Variants in CCDC13 observed in about 807,000 individuals in gnomAD.
CCDC13 encodes coiled-coil domain-containing protein 13.
In CCDC13, 70 loss-of-function variants were observed where a neutral mutation model predicts 87.3. The ratio of observed to expected loss-of-function variants is 0.80; its 90% CI spans 0.66 to 0.98. The LOEUF (loss-of-function observed/expected upper bound fraction) is 0.98. CCDC13 is among the 50% of genes least tolerant of loss of function. The probability of loss-of-function intolerance (pLI) is 0.00; values close to 1 mark genes in which losing one functional copy is unlikely to be tolerated. For synonymous variants in CCDC13, 317 were observed against 360.3 expected, an observed-to-expected ratio of 0.88 and a Z score of 1.36; for missense variants, 842 against 892.0, an observed-to-expected ratio of 0.94 and a Z score of 0.71.
Position 42,773,229 on chromosome 3 carries a change from T to A in CCDC13, c.-60A>T, listed in dbSNP as rs914077669. On this transcript the variant is annotated 5_prime_UTR_variant, in exon 1 of 16. Transcript: ENST00000310232. ...GGACCGCGGCGGCTAGGTCACCTCC[T>A]CCGGACGCCGACACGCGCTGCCCTG... 1 of 152,176 alleles carries A rather than the reference T, an allele frequency of 6.6e-6. No individual in the cohort carries two copies. Among genetic ancestry groups the A allele is most frequent in the African/African-American group, 2.4e-5 (1 of 41,418 alleles). The allele number at this position is 152,176 out of a possible 1,614,324, so 9.4% of individuals were successfully genotyped here.
At chr3:42,743,769 G>A (rs1459981103) in intron 7 of CCDC13, among the ~76,000 whole-genome samples, 1 of 151,640 alleles carries the variant, frequency 6.6e-6, no homozygotes, top group African/African-American at 2.4e-5. Context: ...GCCTCCCAAA[G>A]TGCTGGGCAA....
rs1213269083 is a variant in CCDC13, at chr3:42,773,200, T to C, written c.-31A>G. On this transcript the variant is annotated 5_prime_UTR_variant, in exon 1 of 16. Transcript: ENST00000310232. ...CAGCGGTCTCTCTCCACTTCTCCCT[T>C]CTAGGACCGCGGCGGCTAGGTCACC... is the stretch of plus-strand genomic sequence containing the variant. 2 of 152,180 alleles carry C rather than the reference T, an allele frequency of 1.3e-5. No homozygotes were observed. Among genetic ancestry groups the C allele is most frequent in the Non-Finnish European group, 2.9e-5 (2 of 68,034 alleles). The allele number at this position is 152,180 out of a possible 1,614,324, so 9.4% of individuals were successfully genotyped here.
At chr3:42,757,324 T>A in intron 2 of CCDC13, 110 bp from the exon 3 acceptor site, 1 of 1,025,162 alleles carries the variant, frequency 9.8e-7, no homozygotes, top group Non-Finnish European at 1.4e-6. Context: ...GCAGACACAC[T>A]GACGTGAAAG....
In CCDC13 at chr3:42,709,785, A is replaced by G; in HGVS notation, c.1887T>C (p.Ser629=). Residue 629 remains serine, a synonymous_variant, in exon 15 of 16, where the codon TCT becomes TCC. Coordinates refer to ENST00000310232, the MANE Select transcript of CCDC13 (RefSeq NM_144719.4). ...APRTKTGLPT[S]NNRHNPTGSE... ...TCCCGGTTGGGTTGTGCCTGTTGTT[A>G]GAGGTGGGCAGACCTGTGGGGCAGC... 1 of 1,614,036 alleles carries G rather than the reference A, an allele frequency of 6.2e-7. No homozygotes were observed. Among genetic ancestry groups the G allele is most frequent in the Non-Finnish European group, 8.5e-7 (1 of 1,179,918 alleles).
chr3:42,771,564 G>A (rs1418761234), intron 1 of CCDC13, among the ~76,000 whole-genome samples: 1 of 152,164 alleles, frequency 6.6e-6, no homozygotes, highest in East Asian at 1.9e-4. Flanking sequence ...AGACCAGCTT[G>A]GGCAACATAG....
In CCDC13 at chr3:42,708,953, CG is replaced by C; in HGVS notation, c.*26del. 1 of 1,594,138 alleles carries C rather than the reference CG, an allele frequency of 6.3e-7. No homozygotes were observed. The highest frequency in any genetic ancestry group is 8.5e-7 in the Non-Finnish European group (1 of 1,170,702). On this transcript the variant is annotated 3_prime_UTR_variant, in exon 16 of 16. Transcript: ENST00000310232. The stretch of plus-strand genomic sequence containing the variant: ...CTCTCAAGACCTGAGGCTGCCCACC[CG>C]GCCAGGCCGACACTGGGCTGTCATC...
intron 6 of CCDC13, chr3:42,746,702 T>G (rs937146939): frequency 4.4e-5 from 8 of 180,486 alleles, no homozygotes; most frequent in African/African-American, 1.9e-4. Flanking sequence ...TCTGAGTGGT[T>G]CCAGCAGGGA....
chr3:42,751,907 G>C (rs1449718822), intron 5 of CCDC13, 29 bp downstream of exon 5: 1 of 1,600,872 alleles, frequency 6.2e-7, no homozygotes, highest in Admixed American at 1.7e-5. Flanking sequence ...CTGCCTCACA[G>C]ACTTCCCAGC....
At chr3:42,728,026 T>C (rs530701110) in intron 13 of CCDC13, among the ~76,000 whole-genome samples, 1 of 152,364 alleles carries the variant, frequency 6.6e-6, no homozygotes, top group South Asian at 2.1e-4. Flanking sequence ...GACTACGTGC[T>C]TTTTAAAAAA....
chr3:42,761,594 G>A (rs1378934819), intron 1 of CCDC13, among the ~76,000 whole-genome samples: 6 of 152,210 alleles, frequency 3.9e-5, no homozygotes, highest in Non-Finnish European at 7.3e-5. Flanking sequence ...GGCATGGAAT[G>A]AATACTTGCT....
At chr3:42,713,049 G>T in intron 14 of CCDC13, 113 bp downstream of exon 14, 1 of 1,255,172 alleles carries the variant, frequency 8.0e-7, no homozygotes, top group Non-Finnish European at 1.1e-6. Context: ...CCTGATGGAA[G>T]CTCTGCTTCC....
chr3:42,745,670 G>C (rs940769679), intron 7 of CCDC13: 1 of 329,750 alleles, frequency 3.0e-6, no homozygotes, highest in African/African-American at 2.1e-5. Context: ...TCAAACCAAA[G>C]GCGTTGGCAT....
rs191110701 is a variant in CCDC13, at chr3:42,708,597, C to T, written c.*383G>A. ...TGCCCACTTAGGGTAACCAAGGGCT[C>T]TTCTGTGTGTGAAGCCATGGGGACA... On this transcript the variant is annotated 3_prime_UTR_variant, in exon 16 of 16. Coordinates refer to ENST00000310232, the MANE Select transcript of CCDC13 (RefSeq NM_144719.4). The T allele has an allele frequency of 1.2e-4, 21 of 168,522 alleles. No homozygotes were observed. The East Asian group carries it at 3.8e-3, about 30-fold the overall frequency. 10.4% of individuals were successfully genotyped at this position (168,522 alleles called of 1,614,324 possible).
intron 13 of CCDC13, among the ~76,000 whole-genome samples, chr3:42,729,243 A>G (rs1215258378): frequency 6.6e-6 from 1 of 152,230 alleles, no homozygotes; most frequent in Non-Finnish European, 1.5e-5. Context: ...GCCTGCATTG[A>G]GTATGTTTCT....
chr3:42,755,270 G>A (rs887515704), intron 3 of CCDC13, among the ~76,000 whole-genome samples: 1 of 152,038 alleles, frequency 6.6e-6, no homozygotes, highest in African/African-American at 2.4e-5. Context: ...AAAAGAAACC[G>A]ATCTATCAAC....
downstream of CCDC13, among the ~76,000 whole-genome samples, chr3:42,705,571 C>G (rs895308313): frequency 2.6e-5 from 4 of 152,212 alleles, no homozygotes; most frequent in Admixed American, 6.5e-5. Flanking sequence ...TCTTTACTTG[C>G]CCCTGCCCCT....
intron 1 of CCDC13, among the ~76,000 whole-genome samples, chr3:42,763,949 C>T (rs1167002880): frequency 6.6e-6 from 1 of 152,176 alleles, no homozygotes; most frequent in African/African-American, 2.4e-5. Context: ...CAATCAAATA[C>T]ATTTAAGATA....
chr3:42,763,947 T>A (rs1699884048), intron 1 of CCDC13, among the ~76,000 whole-genome samples: 1 of 152,180 alleles, frequency 6.6e-6, no homozygotes, highest in South Asian at 2.1e-4. Flanking sequence ...ATCAATCAAA[T>A]ACATTTAAGA....
intron 14 of CCDC13, among the ~76,000 whole-genome samples, chr3:42,712,699 G>A (rs1028120475): frequency 7.2e-5 from 11 of 152,202 alleles, no homozygotes; most frequent in Non-Finnish European, 1.3e-4. Context: ...ACAAAACAGA[G>A]GGAGCTTGGG....
Sources: allele counts gnomAD v4.1 joint callset (sites outside exome capture counted in the v4.1 genomes callset), GRCh38; gene constraint gnomAD v4.1.1; transcripts MANE v1.5; gene names NCBI Gene and HGNC (gene_info 2026-07-23, HGNC 2026-07-21).